The following MAF variants were observed in gnomAD, a reference collection of about 807,000 sequenced individuals.
MAF encodes the protein MAF bZIP transcription factor.
In MAF, 10 loss-of-function variants were observed where a neutral mutation model predicts 22.0. The observed-to-expected ratio is 0.45, with a 90% CI of 0.28 to 0.77. MAF has a LOEUF of 0.77. MAF is among the 30% of genes least tolerant of loss of function. The probability of loss-of-function intolerance (pLI) is 0.12; values close to 1 mark genes in which losing one functional copy is unlikely to be tolerated. For synonymous variants in MAF, 337 were observed against 255.8 expected (o/e 1.32, Z -3.03); for missense variants, 544 against 548.4 (o/e 0.99, Z 0.08).
the MAF span, among the ~76,000 whole-genome samples, chr16:79,247,885 T>C: frequency 5.3e-5 from 8 of 152,228 alleles, no homozygotes; most frequent in South Asian, 4.1e-4. Flanking sequence ...AGCCATTGCC[T>C]GTAAAATTCT....
At chr16:79,226,142 A>G in the MAF span, among the ~76,000 whole-genome samples, 14 of 152,232 alleles carry the variant, frequency 9.2e-5, no homozygotes, top group Non-Finnish European at 1.9e-4. Context: ...ATGCCCATCA[A>G]TGATAGACTG....
chr16:79,260,919 A>G, the MAF span, among the ~76,000 whole-genome samples: 574 of 152,332 alleles, frequency 3.8e-3, 4 homozygotes, highest in African/African-American at 0.013. Context: ...CACCCAAGAC[A>G]GATACAACCA....
chr16:79,460,964 T>C, the MAF span, among the ~76,000 whole-genome samples: 6 of 152,214 alleles, frequency 3.9e-5, no homozygotes, highest in Non-Finnish European at 8.8e-5. Context: ...TGTAGTAATC[T>C]GAGTCTCCCT....
the MAF span, among the ~76,000 whole-genome samples, chr16:79,576,360 G>A: frequency 6.6e-6 from 1 of 151,048 alleles, no homozygotes; most frequent in Non-Finnish European, 1.5e-5. Flanking sequence ...TTGGAAGTTT[G>A]AAAGATACCA....
At chr16:79,214,953 A>C in the MAF span, among the ~76,000 whole-genome samples, 1 of 143,618 alleles carries the variant, frequency 7.0e-6, no homozygotes, top group South Asian at 2.3e-4. Context: ...CAGGTGATCC[A>C]CCCACCTCAG....
chr16:79,464,156 C>T, the MAF span, among the ~76,000 whole-genome samples: 3 of 152,156 alleles, frequency 2.0e-5, no homozygotes, highest in Non-Finnish European at 4.4e-5. Flanking sequence ...TGGAAAGAAT[C>T]AATCATGCAT....
At chr16:79,574,497 A>G in the MAF span, among the ~76,000 whole-genome samples, 1 of 152,208 alleles carries the variant, frequency 6.6e-6, no homozygotes, top group Non-Finnish European at 1.5e-5. Context: ...TAACACCTCA[A>G]AATCGTCTAT....
the MAF span, among the ~76,000 whole-genome samples, chr16:79,435,134 C>T: frequency 6.6e-6 from 1 of 152,184 alleles, no homozygotes. Flanking sequence ...AAGGGCTCCA[C>T]TTACACATAT....
At chr16:79,279,751 G>A in the MAF span, among the ~76,000 whole-genome samples, 1 of 152,266 alleles carries the variant, frequency 6.6e-6, no homozygotes, top group East Asian at 1.9e-4. Flanking sequence ...GGATTCATTC[G>A]AGCAGAGCTG....
chr16:79,427,634 C>T, the MAF span, among the ~76,000 whole-genome samples: 3 of 152,068 alleles, frequency 2.0e-5, no homozygotes, highest in African/African-American at 7.2e-5. Flanking sequence ...CCTCTCAAAT[C>T]GCTCTCCATT....
At chr16:79,350,924 T>C in the MAF span, among the ~76,000 whole-genome samples, 1 of 150,992 alleles carries the variant, frequency 6.6e-6, no homozygotes. Context: ...CAAGGTCTCT[T>C]AGACTTACTA....
the MAF span, chr16:79,505,493 A>T: frequency 6.6e-6 from 1 of 152,258 alleles, no homozygotes; most frequent in African/African-American, 2.4e-5. Flanking sequence ...TTCCTAGGGG[A>T]AGAGTCCTCT....
the MAF span, among the ~76,000 whole-genome samples, chr16:79,310,524 G>A: frequency 6.6e-6 from 1 of 152,164 alleles, no homozygotes; most frequent in East Asian, 1.9e-4. Context: ...TTCACATCTG[G>A]AGTTCAGATG....
chr16:79,599,212 C>G lies in MAF; in HGVS notation c.691G>C (p.Gly231Arg). The G allele has an allele frequency of 3.1e-6, 3 of 977,810 alleles. No individual in the cohort carries two copies. The highest frequency in any genetic ancestry group is 3.6e-6 in the Non-Finnish European group (3 of 826,454). 60.6% of individuals were successfully genotyped at this position (977,810 alleles called of 1,614,324 possible). A position where few individuals can be genotyped will look rare whatever the true frequency, so the allele number is the denominator to read the frequency against. The change falls in exon 1 of 2, where the codon GGC becomes CGC. Residue 231 changes from glycine (G) to arginine (R), a missense_variant. Physicochemically the swap from Gly to Arg is moderately radical, Grantham distance 125. This residue lies in a region of MAF where 342 missense variants were observed against 315.5 expected (regional missense o/e 1.08). Coordinates refer to ENST00000326043, the MANE Select transcript of MAF (RefSeq NM_005360.5). Reference protein sequence around the residue: ...PASAGGGGGGGGGGGGGGAAG... With the variant: ...PASAGGGGGGRGGGGGGGAAG... ...GCGCCCCCGCCGCCTCCGCCGCCGC[C>G]GCCGCCGCCGCCGCCCCCAGCGCTG...
chr16:79,209,916 AGCCACACAAATCAAT>A, the MAF span, among the ~76,000 whole-genome samples: 2 of 152,356 alleles, frequency 1.3e-5, no homozygotes, highest in South Asian at 4.1e-4. Flanking sequence ...ATTAGACTTG[AGCCACACAAATCAAT>A]GGGAAAAGAA....
At chr16:79,339,407 C>T in the MAF span, among the ~76,000 whole-genome samples, 50 of 152,296 alleles carry the variant, frequency 3.3e-4, no homozygotes, top group African/African-American at 1.2e-3. Flanking sequence ...TGCTCTTCTC[C>T]TTCTGCTGGC....
At chr16:79,369,268 A>C in the MAF span, among the ~76,000 whole-genome samples, 3 of 152,264 alleles carry the variant, frequency 2.0e-5, no homozygotes, top group African/African-American at 7.2e-5. Context: ...ATGTGCTGGG[A>C]GCTGGGTTAC....
At chr16:79,401,193 C>A in the MAF span, among the ~76,000 whole-genome samples, 1 of 152,216 alleles carries the variant, frequency 6.6e-6, no homozygotes, top group South Asian at 2.1e-4. Flanking sequence ...CCTATTCTCC[C>A]GCGTGGATTT....
At chr16:79,399,924 C>T in the MAF span, among the ~76,000 whole-genome samples, 7 of 152,180 alleles carry the variant, frequency 4.6e-5, no homozygotes, top group South Asian at 2.1e-4. Context: ...TCGAAGCTCA[C>T]GTGGGTTAGT....
Sources: allele counts gnomAD v4.1 joint callset (sites outside exome capture counted in the v4.1 genomes callset), GRCh38; gene constraint gnomAD v4.1.1; regional missense constraint gnomAD v4.1.1; transcripts MANE v1.5; gene names NCBI Gene and HGNC (gene_info 2026-07-23, HGNC 2026-07-21).